ITPRIPL1: variants seen among roughly 807,000 people sequenced by gnomAD.
The protein encoded by ITPRIPL1 is ITPRIP like 1.
A neutral mutation model predicts 40.0 loss-of-function variants in ITPRIPL1; 28 were observed. That is an observed-to-expected ratio of 0.70 (90% CI 0.52 to 0.96). The LOEUF (loss-of-function observed/expected upper bound fraction) is 0.96. ITPRIPL1 is among the 40% of genes least tolerant of loss of function. The probability of loss-of-function intolerance (pLI) is 0.00; values close to 1 mark genes in which losing one functional copy is unlikely to be tolerated. For missense variants in ITPRIPL1, 638 were observed against 698.0 expected (o/e 0.91, Z 0.97); for synonymous variants, 251 against 275.7 (o/e 0.91, Z 0.89).
At chr2:96,326,326 CA>C in intron 2 of ITPRIPL1, 2 of 1,473,024 alleles carry the variant, frequency 1.4e-6, no homozygotes, top group Non-Finnish European at 1.8e-6. Context: ...CACCCTACCA[CA>C]AGGGTCCCCC....
downstream of ITPRIPL1, chr2:96,329,771 A>G (rs960544888): frequency 3.3e-5 from 5 of 152,100 alleles, no homozygotes; most frequent in Non-Finnish European, 7.4e-5. Context: ...AGTGTTAAGA[A>G]ATGCAACTAT....
chr2:96,327,839 A>G lies in ITPRIPL1; in HGVS notation c.1208A>G (p.His403Arg). 1 of 1,614,016 alleles carries G rather than the reference A, an allele frequency of 6.2e-7. No individual in the cohort carries two copies. The highest frequency in any genetic ancestry group is 2.2e-5 in the East Asian group (1 of 44,864). Residue 403 changes from histidine to arginine, a missense_variant, in exon 3 of 3, where the codon CAC becomes CGC. Physicochemically the swap from His to Arg is conservative, Grantham distance 29. Coordinates refer to ENST00000439118, the MANE Select transcript of ITPRIPL1 (RefSeq NM_001008949.3). ...CCTGAGTCCTTTGTGGCCTGTGAGCACCTGTTCCTGAAGCTGGTGGGGCGC... is the reference window on the plus strand; with the variant it reads ...CCTGAGTCCTTTGTGGCCTGTGAGCGCCTGTTCCTGAAGCTGGTGGGGCGC... ...DWPESFVACE[H>R]LFLKLVGRFA...
intron 2 of ITPRIPL1, 146 bp from the exon 3 acceptor site, chr2:96,326,496 G>C: frequency 6.4e-7 from 1 of 1,552,802 alleles, no homozygotes; most frequent in African/African-American, 1.4e-5. Flanking sequence ...CACCCTTGCT[G>C]TGTCCAAGCC....
At position 96,326,977 on chromosome 2, in the gene ITPRIPL1, G is replaced by A; in HGVS notation, c.346G>A (p.Gly116Ser). The A allele has an allele frequency of 6.2e-7, 1 of 1,614,202 alleles. No individual in the cohort carries two copies. Residue 116 changes from glycine (G) to serine (S), a missense_variant, in exon 3 of 3, where the codon GGC becomes AGC. By Grantham distance (56) the Gly-to-Ser change is moderately conservative. Transcript: ENST00000439118. ...GATGCTGGGAAACCTGTGGAACACTGGCCTCTTTTGCCTTTTTCTCGTCTT... is the reference window on the plus strand; with the variant it reads ...GATGCTGGGAAACCTGTGGAACACTAGCCTCTTTTGCCTTTTTCTCGTCTT... The part of the protein sequence containing the change: ...GWMLGNLWNT[G>S]LFCLFLVFEL...
rs546277715 is a variant in ITPRIPL1 at position 96,325,638 on chromosome 2, G to A, written c.-94+73G>A. The A allele has an allele frequency of 1.3e-3, 847 of 630,878 alleles. 1 individual carries two copies. The highest frequency in any genetic ancestry group is 2.0e-3 in the Non-Finnish European group (691 of 347,882). 39.1% of individuals were successfully genotyped at this position (630,878 alleles called of 1,614,324 possible). On this transcript the variant is annotated intron_variant, in intron 1 of 2. Coordinates refer to ENST00000439118, the MANE Select transcript of ITPRIPL1 (RefSeq NM_001008949.3). ...GGCCCTTGGCCTCCTACGGATAGGC[G>A]GGTGAGAGTACAAATCTCTGGGCGT...
downstream of ITPRIPL1, chr2:96,329,708 G>T (rs2064147419): frequency 6.6e-6 from 1 of 152,126 alleles, no homozygotes; most frequent in African/African-American, 2.4e-5. Context: ...TGATTCTAGA[G>T]ATATAATTGG....
At position 96,326,745 on chromosome 2, in the gene ITPRIPL1, A is replaced by G. The variant is rs913049941; in HGVS notation, c.114A>G (p.Leu38=). Reference sequence around the variant, plus strand: ...GTGATCGGATGGACCTGGACACATTAGCCAGGAGTCGGCAGCTGGAGAAGC... The same window carrying G: ...GTGATCGGATGGACCTGGACACATTGGCCAGGAGTCGGCAGCTGGAGAAGC... ...MVSDRMDLDT[L]ARSRQLEKRM... The change falls in exon 3 of 3, where the codon TTA becomes TTG. Residue 38 remains leucine (L), a synonymous_variant. Coordinates refer to ENST00000439118, the MANE Select transcript of ITPRIPL1 (RefSeq NM_001008949.3). The G allele has an allele frequency of 6.2e-7, 1 of 1,614,258 alleles. No homozygotes were observed. Among genetic ancestry groups the G allele is most frequent in the Non-Finnish European group, 8.5e-7 (1 of 1,180,038 alleles).
chr2:96,326,479 G>T (rs2104386784), intron 2 of ITPRIPL1, 163 bp from the exon 3 acceptor site: 1 of 1,545,174 alleles, frequency 6.5e-7, no homozygotes, highest in East Asian at 2.3e-5. Context: ...CCTCCTCCCA[G>T]GCCGACCACC....
chr2:96,326,921 A>G lies in ITPRIPL1; in HGVS notation c.290A>G (p.Gln97Arg), dbSNP rs2064114132. 6 of 1,614,226 alleles carry G rather than the reference A, an allele frequency of 3.7e-6. No individual in the cohort carries two copies. The highest frequency in any genetic ancestry group is 5.1e-6 in the Non-Finnish European group (6 of 1,180,030). Residue 97 changes from glutamine (Q) to arginine (R), a missense_variant, in exon 3 of 3, where the codon CAG becomes CGG. Coordinates refer to ENST00000439118, the MANE Select transcript of ITPRIPL1 (RefSeq NM_001008949.3). Reference sequence around the variant, plus strand: ...AAGAAAGACATGGGGTGGCCGTTCCAGGCCGATGGCCAGGAAGGGCCTCTG... The same window carrying G: ...AAGAAAGACATGGGGTGGCCGTTCCGGGCCGATGGCCAGGAAGGGCCTCTG... ...LGKKDMGWPF[Q>R]ADGQEGPLGW...
At chr2:96,330,318 A>G (rs1036870544), downstream of ITPRIPL1, 1 of 143,600 alleles carries the variant, frequency 7.0e-6, no homozygotes, top group Admixed American at 7.1e-5. Context: ...TGGGGCTCCC[A>G]GTGCACAATA....
chr2:96,329,167 A>C (rs1397894384), downstream of ITPRIPL1: 1 of 126,956 alleles, frequency 7.9e-6, no homozygotes, highest in Non-Finnish European at 1.7e-5. Context: ...ATATATATAT[A>C]TATATATATA....
downstream of ITPRIPL1, chr2:96,330,226 CA>C (rs1484137143): frequency 1.3e-5 from 1 of 79,694 alleles, no homozygotes; most frequent in African/African-American, 5.1e-5. Context: ...CGACCCTGGG[CA>C]AAAAAGTGAG....
At chr2:96,325,889 G>A (rs2104385896) in intron 2 of ITPRIPL1, 40 bp downstream of exon 2, 4 of 1,611,236 alleles carry the variant, frequency 2.5e-6, no homozygotes, top group Non-Finnish European at 3.4e-6. Context: ...AGTGGCAGAA[G>A]CTCGGGCTTC....
chr2:96,327,304 A>T lies in ITPRIPL1; in HGVS notation c.673A>T (p.Lys225Ter). Reference protein sequence around the residue: ...DCLGIGAAFEKWGTLHETQKF... With the variant: ...DCLGIGAAFE ...CCTGGGCATCGGGGCTGCCTTTGAG[A>T]AATGGGGAACCCTCCATGAGACCCA... Residue 225 changes from lysine (K) to a stop codon, truncating the protein, a stop_gained, in exon 3 of 3, where the codon AAA (lysine) becomes TAA (stop). Transcript: ENST00000439118. LOFTEE classifies it high-confidence loss of function. The T allele has an allele frequency of 6.2e-7, 1 of 1,614,060 alleles. No individual in the cohort carries two copies. Among genetic ancestry groups the T allele is most frequent in the Admixed American group, 1.7e-5 (1 of 60,006 alleles).
In ITPRIPL1 at chr2:96,326,928, TGG is replaced by T; in HGVS notation, c.298_299del (p.Gly100ProfsTer25). The part of the protein sequence containing the change: ...KDMGWPFQAD[G>X]QEGPLGWMLG... ...ACATGGGGTGGCCGTTCCAGGCCGATGGCCAGGAAGGGCCTCTGGGCTGGATG... is the reference window on the plus strand; with the variant it reads ...ACATGGGGTGGCCGTTCCAGGCCGATCCAGGAAGGGCCTCTGGGCTGGATG... On this transcript the variant is annotated frameshift_variant, in exon 3 of 3. Coordinates refer to ENST00000439118, the MANE Select transcript of ITPRIPL1 (RefSeq NM_001008949.3). LOFTEE classifies it high-confidence loss of function. 6.2e-7 allele frequency: 1 copy of T among 1,614,212 alleles called. No individual in the cohort carries two copies. The highest frequency in any genetic ancestry group is 2.2e-5 in the East Asian group (1 of 44,890).
chr2:96,327,839 A>C lies in ITPRIPL1; in HGVS notation c.1208A>C (p.His403Pro). 6.2e-7 allele frequency: 1 copy of C among 1,614,016 alleles called. No individual in the cohort carries two copies. The highest frequency in any genetic ancestry group is 8.5e-7 in the Non-Finnish European group (1 of 1,179,996). The stretch of plus-strand genomic sequence containing the variant: ...CCTGAGTCCTTTGTGGCCTGTGAGC[A>C]CCTGTTCCTGAAGCTGGTGGGGCGC... ...DWPESFVACEHLFLKLVGRFA... is the reference protein window; with the variant it reads ...DWPESFVACEPLFLKLVGRFA... Residue 403 changes from histidine (H) to proline (P), a missense_variant, in exon 3 of 3, where the codon CAC (histidine) becomes CCC (proline). Physicochemically the swap from His to Pro is moderately conservative, Grantham distance 77 (BLOSUM62 -2). Coordinates refer to ENST00000439118, the MANE Select transcript of ITPRIPL1 (RefSeq NM_001008949.3).
intron 2 of ITPRIPL1, chr2:96,326,243 G>C: frequency 7.0e-7 from 1 of 1,437,894 alleles, no homozygotes; most frequent in Non-Finnish European, 9.2e-7. Flanking sequence ...GGGCTTTCTG[G>C]CTATAAAAGG....
At position 96,327,285 on chromosome 2, in the gene ITPRIPL1, C is replaced by T; in HGVS notation, c.654C>T (p.Gly218=). 1 of 1,614,168 alleles carries T rather than the reference C, an allele frequency of 6.2e-7. No individual in the cohort carries two copies. ...EAHPQLEDCL[G]IGAAFEKWGT... ...ACCCACAATTGGAAGACTGCCTGGG[C>T]ATCGGGGCTGCCTTTGAGAAATGGG... Residue 218 remains glycine, a synonymous_variant, in exon 3 of 3, where the codon GGC becomes GGT. Coordinates refer to ENST00000439118, the MANE Select transcript of ITPRIPL1 (RefSeq NM_001008949.3).
At position 96,327,054 on chromosome 2, in the gene ITPRIPL1, TGAG is replaced by T. The variant is rs749880210; in HGVS notation, c.438_440del (p.Glu147del). The T allele has an allele frequency of 7.9e-5, 125 of 1,590,696 alleles. No homozygotes were observed. Among genetic ancestry groups the T allele is most frequent in the South Asian group, 1.1e-4 (10 of 89,254 alleles). On this transcript the variant is annotated inframe_deletion, in exon 3 of 3. Transcript: ENST00000439118. ...ATGAACCGGCCTTTGATTCCAGCAGTGAGGAGGAGGAGGAGGAAGTCCGTGTTG... is the reference window on the plus strand; with the variant it reads ...ATGAACCGGCCTTTGATTCCAGCAGTGAGGAGGAGGAGGAAGTCCGTGTTG...
Sources: allele counts gnomAD v4.1 joint callset, GRCh38; gene constraint gnomAD v4.1.1; transcripts MANE v1.5; gene names NCBI Gene and HGNC (gene_info 2026-07-23, HGNC 2026-07-21).